The following PARP10 variants were observed in gnomAD, a reference collection of about 807,000 sequenced individuals.
PARP10 encodes poly(ADP-ribose) polymerase family member 10.
A neutral mutation model predicts 82.4 loss-of-function variants in PARP10; 56 were observed. The observed-to-expected ratio is 0.68, with a 90% confidence interval of 0.55 to 0.85. PARP10 has a LOEUF of 0.85. Among genes scored for constraint, PARP10 ranks in the 40% least tolerant of loss-of-function variants. The pLI is 0.00. For synonymous variants in PARP10, 576 were observed against 601.1 expected (o/e 0.96, Z 0.61); for missense variants, 1,227 against 1,379.4 (o/e 0.89, Z 1.75).
At position 143,977,543 on chromosome 8, in the gene PARP10, C is replaced by A. The variant is rs181641183; in HGVS notation, c.3019G>T (p.Val1007Leu). ...GGGTCGTCGGGGGAAGCGCGGGGCA[C>A]GTGCTCGCAGGTGATGAGGTGGGTG... Reference protein sequence around the residue: ...LPTHLITCEHVPRASPDDPSG... With the variant: ...LPTHLITCEHLPRASPDDPSG... The change falls in exon 11 of 11, where the codon GTG (valine) becomes TTG (leucine). Residue 1007 changes from valine (V) to leucine (L), a missense_variant. Transcript: ENST00000313028. 650 of 1,565,224 alleles carry A rather than the reference C, an allele frequency of 4.2e-4. 10 individuals are homozygous for A. The East Asian group carries it at 0.014, about 35-fold the overall frequency.
At chr8:143,993,155 C>T (rs782231465), upstream of PARP10, 147 of 357,764 alleles carry the variant, frequency 4.1e-4, no homozygotes, top group Non-Finnish European at 7.3e-4. Context: ...GGGGGCAGCA[C>T]CAGGTCCCGG....
At chr8:143,993,105 T>C (rs1405087141), upstream of PARP10, 10 of 457,880 alleles carry the variant, frequency 2.2e-5, no homozygotes, top group Admixed American at 1.2e-4. Context: ...TGTCTACTCA[T>C]TGTTGCATGA....
At chr8:143,999,109 A>G (rs1834182250) in intron 1 of PARP10, among the ~76,000 whole-genome samples, 1 of 151,388 alleles carries the variant, frequency 6.6e-6, no homozygotes, top group African/African-American at 2.4e-5. Flanking sequence ...CGGCACAGTC[A>G]TGGCTCACTG....
chr8:143,991,707 A>T, upstream of PARP10: 1 of 1,613,124 alleles, frequency 6.2e-7, no homozygotes, highest in Non-Finnish European at 8.5e-7. Flanking sequence ...CAGCATGGAA[A>T]CTACCAGGAG....
At chr8:143,980,319 CAAAAAAAAA>C (rs564801582) in intron 9 of PARP10, among the ~76,000 whole-genome samples, 1 of 16,080 alleles carries the variant, frequency 6.2e-5, no homozygotes, top group Non-Finnish European at 1.9e-4. Context: ...GATTCCGTCT[CAAAAAAAAA>C]AAAAAAAAAA....
intron 9 of PARP10, among the ~76,000 whole-genome samples, chr8:143,982,112 C>G (rs1833877276): frequency 6.6e-6 from 1 of 151,998 alleles, no homozygotes; most frequent in African/African-American, 2.4e-5. Context: ...CATTTCTGAC[C>G]AGCTCCTGGT....
intron 1 of PARP10, among the ~76,000 whole-genome samples, chr8:144,005,049 GGCGCCTGTAATCCCA>G (rs1347074886): frequency 6.6e-5 from 10 of 151,938 alleles, no homozygotes; most frequent in African/African-American, 2.4e-4. Context: ...CGTGGTGGTG[GGCGCCTGTAATCCCA>G]GCTACTCAGG....
chr8:143,992,227 T>C, upstream of PARP10: 1 of 1,603,708 alleles, frequency 6.2e-7, no homozygotes, highest in Non-Finnish European at 8.5e-7. Context: ...AAGGTCAGCC[T>C]GTGTCTCCCA....
intron 1 of PARP10, among the ~76,000 whole-genome samples, chr8:144,007,619 G>T (rs1166425614): frequency 6.6e-6 from 1 of 152,072 alleles, no homozygotes; most frequent in Non-Finnish European, 1.5e-5. Flanking sequence ...CCTCTCCTGA[G>T]ATATCACTCT....
At chr8:143,991,617 G>A (rs782753778), upstream of PARP10, 1 of 1,603,474 alleles carries the variant, frequency 6.2e-7, no homozygotes, top group Non-Finnish European at 8.5e-7. Flanking sequence ...GTCTCAGGAA[G>A]GGAGGGGTGG....
intron 1 of PARP10, among the ~76,000 whole-genome samples, chr8:143,997,082 G>A (rs1280140289): frequency 2.0e-5 from 3 of 152,302 alleles, no homozygotes; most frequent in East Asian, 1.9e-4. Flanking sequence ...TGCTTCCCAG[G>A]CAGCAGGATG....
chr8:143,977,563 TG>T lies in PARP10; in HGVS notation c.2998del (p.His1000ThrfsTer46), dbSNP rs1554746494. The T allele has an allele frequency of 3.2e-6, 5 of 1,571,212 alleles. No individual in the cohort carries two copies. On this transcript the variant is annotated frameshift_variant, in exon 11 of 11. Coordinates refer to ENST00000313028, the MANE Select transcript of PARP10 (RefSeq NM_032789.5). LOFTEE classifies it low-confidence loss of function (END_TRUNC). ...GGGCACGTGCTCGCAGGTGATGAGG[TG>T]GGTGGGCAGCGCCTGGGTGTCGTGG... ...IFHDTQALPTHLITCEHVPRA... is the reference protein window; with the variant it reads ...IFHDTQALPTXLITCEHVPRA...
At chr8:143,996,490 G>T (rs1834165940) in intron 1 of PARP10, among the ~76,000 whole-genome samples, 1 of 152,142 alleles carries the variant, frequency 6.6e-6, no homozygotes, top group Non-Finnish European at 1.5e-5. Flanking sequence ...ACTGCCTCTG[G>T]CTAACTGGGG....
At chr8:143,983,115 C>T (rs1833900888) in intron 8 of PARP10, 50 bp from the exon 9 acceptor site, 14 of 1,612,454 alleles carry the variant, frequency 8.7e-6, no homozygotes, top group African/African-American at 2.7e-5. Flanking sequence ...GGGGCACTAG[C>T]CCCTGCTAAC....
At chr8:143,999,985 G>A (rs543162644) in intron 1 of PARP10, among the ~76,000 whole-genome samples, 44 of 152,266 alleles carry the variant, frequency 2.9e-4, no homozygotes, top group African/African-American at 8.9e-4. Context: ...GAATGGGGAA[G>A]AAGTAATGTC....
chr8:144,011,546 G>A lies in PARP10; in HGVS notation c.-80+984C>T, dbSNP rs377022391. 6.6e-6 allele frequency among the ~76,000 whole-genome samples: 1 copy of A among 152,170 alleles called. No homozygotes were observed. Among genetic ancestry groups the A allele is most frequent in the South Asian group, 2.1e-4 (1 of 4,834 alleles). On this transcript the variant is annotated intron_variant, in intron 1 of 3. Transcript: ENST00000530478. The surrounding 1 kb of genome is among the most constrained non-coding windows in gnomAD (Gnocchi z 4.5). Reference sequence around the variant, plus strand: ...AGAGGTTTGAGGGAGAACAGCCACAGAGCCAATGGAGGCCACGAGGACACG... The same window carrying A: ...AGAGGTTTGAGGGAGAACAGCCACAAAGCCAATGGAGGCCACGAGGACACG...
intron 9 of PARP10, among the ~76,000 whole-genome samples, chr8:143,978,762 A>G (rs1267244194): frequency 1.3e-5 from 2 of 152,002 alleles, no homozygotes; most frequent in Admixed American, 1.3e-4. Flanking sequence ...GGAGCAGGTG[A>G]GGGGGCCTGA....
upstream of PARP10, among the ~76,000 whole-genome samples, chr8:143,995,003 A>G (rs369134658): frequency 1.2e-4 from 19 of 152,260 alleles, no homozygotes; most frequent in African/African-American, 4.3e-4. Flanking sequence ...GTGCCAGGAC[A>G]TTGTTTTCTT....
upstream of PARP10, chr8:143,993,088 C>T (rs782391401): frequency 9.8e-6 from 5 of 507,724 alleles, no homozygotes; most frequent in Admixed American, 3.5e-5. Flanking sequence ...GTTTCCGTGC[C>T]ACCTCCTGTC....
Sources: allele counts gnomAD v4.1 joint callset (sites outside exome capture counted in the v4.1 genomes callset), GRCh38; gene constraint gnomAD v4.1.1; non-coding constraint Gnocchi (gnomAD v3.1); transcripts MANE v1.5; gene names NCBI Gene and HGNC (gene_info 2026-07-23, HGNC 2026-07-21).